Variants in DPP6 observed in about 807,000 individuals in gnomAD.
The protein encoded by DPP6 is A-type potassium channel modulatory protein DPP6.
DPP6 carries 69 observed loss-of-function variants against 122.6 expected under a neutral mutation model. The observed-to-expected ratio is 0.56, with a 90% CI of 0.46 to 0.69. The LOEUF (loss-of-function observed/expected upper bound fraction) is 0.69, where lower values mean the gene tolerates loss of function less well. DPP6 is among the 30% of genes least tolerant of loss of function. The pLI is 0.00. For synonymous variants in DPP6, 418 were observed against 433.1 expected, an observed-to-expected ratio of 0.97 and a Z score of 0.43; for missense variants, 928 against 1,116.9, an observed-to-expected ratio of 0.83 and a Z score of 2.41.
intron 1 of DPP6, among the ~76,000 whole-genome samples, chr7:154,067,175 ATATT>A (rs1273098963): frequency 8.5e-5 from 10 of 117,056 alleles, no homozygotes; most frequent in African/African-American, 2.7e-4. Context: ...TTAAACCTAT[ATATT>A]AATCGTTTCA....
At chr7:154,510,510 C>T (rs183808331) in intron 3 of DPP6, among the ~76,000 whole-genome samples, 3 of 152,002 alleles carry the variant, frequency 2.0e-5, no homozygotes, top group African/African-American at 7.2e-5. Context: ...CCAGCCTGGC[C>T]AACATAGTGA....
intron 1 of DPP6, among the ~76,000 whole-genome samples, chr7:153,916,113 C>T (rs1169535808): frequency 6.6e-6 from 1 of 151,464 alleles, no homozygotes; most frequent in Admixed American, 6.6e-5. Context: ...ACTACAGGCG[C>T]CCGCCACTGC....
intron 1 of DPP6, among the ~76,000 whole-genome samples, chr7:154,272,366 G>C (rs1230453534): frequency 6.6e-6 from 1 of 152,148 alleles, no homozygotes; most frequent in Non-Finnish European, 1.5e-5. Context: ...GGACAGCTGT[G>C]GATTTAGTTT....
chr7:154,207,020 C>T (rs952031807), intron 1 of DPP6, among the ~76,000 whole-genome samples: 6 of 152,224 alleles, frequency 3.9e-5, no homozygotes, highest in Non-Finnish European at 5.9e-5. Flanking sequence ...CTGTGCTCCA[C>T]GCTGGCCCCT....
intron 6 of DPP6, among the ~76,000 whole-genome samples, chr7:154,638,727 A>G (rs1328585853): frequency 1.3e-5 from 2 of 152,216 alleles, no homozygotes; most frequent in Non-Finnish European, 2.9e-5. Context: ...TGAGTCAGAC[A>G]CAGATGAAAA....
chr7:154,215,488 A>C (rs1161013849), intron 1 of DPP6, among the ~76,000 whole-genome samples: 1 of 152,212 alleles, frequency 6.6e-6, no homozygotes, highest in Non-Finnish European at 1.5e-5. Flanking sequence ...GAGGTTAAAC[A>C]AAACAAAGAA....
chr7:154,542,812 A>C (rs1828840032), intron 4 of DPP6, among the ~76,000 whole-genome samples: 1 of 152,248 alleles, frequency 6.6e-6, no homozygotes, highest in African/African-American at 2.4e-5. Context: ...AATGTCATTT[A>C]GAGGTCTGCA....
In DPP6 at chr7:154,604,830, C is replaced by T. The variant is rs963002212; in HGVS notation, c.628-32991C>T. 1.0e-4 allele frequency among the ~76,000 whole-genome samples: 12 copies of T among 119,886 alleles called. 2 individuals are homozygous for T. The highest frequency in any genetic ancestry group is 2.8e-4 in the Admixed American group (3 of 10,576). The allele number at this position is 119,886 out of a possible 152,430, so 78.6% of individuals were successfully genotyped here. On this transcript the variant is annotated intron_variant, in intron 5 of 25. Transcript: ENST00000377770. The stretch of plus-strand genomic sequence containing the variant: ...CTATATGGACATTTGTAAACAATGA[C>T]GGTTTTGTTTCTCCCCGTCCTTGCC...
intron 1 of DPP6, among the ~76,000 whole-genome samples, chr7:154,255,595 C>T (rs1447771375): frequency 6.6e-6 from 1 of 152,208 alleles, no homozygotes; most frequent in African/African-American, 2.4e-5. Flanking sequence ...CATCTCTCCC[C>T]TCCTCCTGCC....
At chr7:154,236,055 G>A (rs1006453794) in intron 1 of DPP6, among the ~76,000 whole-genome samples, 2 of 152,104 alleles carry the variant, frequency 1.3e-5, no homozygotes, top group African/African-American at 4.8e-5. Context: ...GTTTCACCAT[G>A]TTGGCCAGGC....
chr7:153,786,520 A>C, the DPP6 span, among the ~76,000 whole-genome samples: 2 of 151,548 alleles, frequency 1.3e-5, no homozygotes, highest in African/African-American at 4.8e-5. Flanking sequence ...CGGGCGGATC[A>C]CGAGGTCAGG....
At chr7:154,029,465 T>C (rs567504555) in intron 1 of DPP6, among the ~76,000 whole-genome samples, 58 of 151,376 alleles carry the variant, frequency 3.8e-4, no homozygotes, top group South Asian at 1.5e-3. Context: ...TGCAGTGAGC[T>C]GAGATCGCAC....
intron 7 of DPP6, among the ~76,000 whole-genome samples, chr7:154,709,373 G>T (rs1841024928): frequency 6.6e-6 from 1 of 151,998 alleles, no homozygotes. Flanking sequence ...TGTTGTTGTT[G>T]TTGTTGTTGT....
At chr7:154,381,737 A>C (rs1224177282) in intron 1 of DPP6, among the ~76,000 whole-genome samples, 1 of 152,252 alleles carries the variant, frequency 6.6e-6, no homozygotes, top group Non-Finnish European at 1.5e-5. Flanking sequence ...GTATTATTAC[A>C]TGAGAGTATT....
chr7:154,107,189 G>A (rs1441802423), intron 1 of DPP6, among the ~76,000 whole-genome samples: 1 of 152,184 alleles, frequency 6.6e-6, no homozygotes, highest in East Asian at 1.9e-4. Flanking sequence ...CATTCCCTGT[G>A]CTCATCCACA....
chr7:154,711,945 C>CACACACACA (rs1554443049), intron 7 of DPP6, among the ~76,000 whole-genome samples: 12 of 149,788 alleles, frequency 8.0e-5, no homozygotes, highest in Non-Finnish European at 1.6e-4. Flanking sequence ...TTAATACACA[C>CACACACACA]ACACACACAC....
Position 154,075,463 on chromosome 7 carries a change from A to C in DPP6, c.243+22400A>C, listed in dbSNP as rs527735208. 5.3e-4 allele frequency among the ~76,000 whole-genome samples: 81 copies of C among 152,148 alleles called. 1 individual carries two copies. The highest frequency in any genetic ancestry group is 1.9e-3 in the African/African-American group (78 of 41,428). On this transcript the variant is annotated intron_variant, in intron 1 of 25. Coordinates refer to ENST00000377770, the MANE Select transcript of DPP6 (RefSeq NM_130797.4). ...AAATGTGGTATATATACACCATGGA[A>C]TACTACTCAGCCATAAGAAATGAAT... is the stretch of plus-strand genomic sequence containing the variant.
At chr7:153,909,775 T>C (rs1800001195) in intron 1 of DPP6, among the ~76,000 whole-genome samples, 1 of 152,140 alleles carries the variant, frequency 6.6e-6, no homozygotes, top group African/African-American at 2.4e-5. Context: ...GCTTTCTGAG[T>C]ACCTTTTACC....
intron 1 of DPP6, among the ~76,000 whole-genome samples, chr7:154,078,707 A>C (rs570827690): frequency 6.6e-6 from 1 of 152,270 alleles, no homozygotes; most frequent in South Asian, 2.1e-4. Context: ...CTGAAAAATA[A>C]TGAGTGGTTG....
Sources: allele counts gnomAD v4.1 joint callset (sites outside exome capture counted in the v4.1 genomes callset), GRCh38; gene constraint gnomAD v4.1.1; transcripts MANE v1.5; gene names NCBI Gene and HGNC (gene_info 2026-07-23, HGNC 2026-07-21).